The following DPP6 variants were observed in gnomAD, a reference collection of about 807,000 sequenced individuals.
DPP6 encodes the protein dipeptidyl peptidase like 6, also known as A-type potassium channel modulatory protein DPP6.
Under a neutral mutation model 122.6 loss-of-function variants are expected in DPP6, and 69 were observed. The observed-to-expected ratio is 0.56, with a 90% CI of 0.46 to 0.69. The LOEUF is 0.69. Among genes scored for constraint, DPP6 ranks in the 30% least tolerant of loss-of-function variants. The pLI is 0.00. For synonymous variants in DPP6, 418 were observed against 433.1 expected (o/e 0.97, Z 0.43); for missense variants, 928 against 1,116.9 (o/e 0.83, Z 2.41).
chr7:154,804,207 C>A (rs566089614), intron 14 of DPP6, among the ~76,000 whole-genome samples: 2 of 152,234 alleles, frequency 1.3e-5, no homozygotes, highest in Non-Finnish European at 2.9e-5. Flanking sequence ...AGCACGCTAG[C>A]GGCAGTAGTA....
intron 1 of DPP6, among the ~76,000 whole-genome samples, chr7:153,987,267 T>C (rs1464307537): frequency 1.3e-5 from 2 of 152,222 alleles, no homozygotes; most frequent in Admixed American, 6.5e-5. Flanking sequence ...CCACTAAGCA[T>C]ATATACTGCT....
intron 1 of DPP6, among the ~76,000 whole-genome samples, chr7:154,131,506 C>T (rs537203376): frequency 9.1e-4 from 138 of 152,372 alleles, no homozygotes; most frequent in Non-Finnish European, 1.7e-3. Flanking sequence ...GGAAGGCCCA[C>T]GTGGAACTAG....
the DPP6 span, among the ~76,000 whole-genome samples, chr7:153,863,050 A>G: frequency 6.6e-6 from 1 of 152,184 alleles, no homozygotes; most frequent in East Asian, 1.9e-4. Flanking sequence ...TATCTTAAAC[A>G]TTTTATTTCT....
chr7:154,057,569 T>C (rs1431054775), intron 1 of DPP6: 1 of 150,868 alleles, frequency 6.6e-6, no homozygotes, highest in Admixed American at 6.6e-5. Context: ...ATTTGCAATC[T>C]ACCGGAGCTT....
intron 5 of DPP6, among the ~76,000 whole-genome samples, chr7:154,568,749 C>T (rs1426919894): frequency 2.6e-5 from 4 of 152,066 alleles, no homozygotes; most frequent in Non-Finnish European, 4.4e-5. Context: ...CAGCATCTGT[C>T]GGTGTTTGGA....
chr7:154,519,210 C>T, intron 3 of DPP6, among the ~76,000 whole-genome samples: 1 of 151,866 alleles, frequency 6.6e-6, no homozygotes, highest in East Asian at 1.9e-4. Flanking sequence ...GAGCCAGAGT[C>T]ATAAGACACA....
intron 22 of DPP6, 91 bp from the exon 23 acceptor site, chr7:154,887,585 C>A: frequency 7.6e-7 from 1 of 1,318,206 alleles, no homozygotes; most frequent in Non-Finnish European, 1.1e-6. Context: ...CCTCACCCCG[C>A]ACCCGGTCCA....
chr7:154,874,429 G>A (rs1056403924), intron 19 of DPP6, among the ~76,000 whole-genome samples: 1 of 152,234 alleles, frequency 6.6e-6, no homozygotes, highest in Non-Finnish European at 1.5e-5. Context: ...GGCCTTGCTA[G>A]CTTGCCTTGG....
chr7:154,353,874 A>G (rs1398560275), intron 1 of DPP6, among the ~76,000 whole-genome samples: 2 of 152,240 alleles, frequency 1.3e-5, no homozygotes, highest in African/African-American at 4.8e-5. Context: ...ATAGAAAATC[A>G]TCTTCTTTTA....
chr7:154,385,019 G>A (rs1400730208), intron 1 of DPP6, among the ~76,000 whole-genome samples: 1 of 152,038 alleles, frequency 6.6e-6, no homozygotes, highest in Non-Finnish European at 1.5e-5. Context: ...CTGTCGCCCA[G>A]GAGTGCAGTG....
chr7:154,149,324 T>C (rs1438227714), intron 1 of DPP6, among the ~76,000 whole-genome samples: 3 of 152,354 alleles, frequency 2.0e-5, no homozygotes, highest in African/African-American at 7.2e-5. Context: ...GGCCTGTTGT[T>C]TCAAGCCCTG....
Position 154,197,803 on chromosome 7 carries a change from A to G in DPP6, c.243+144740A>G, listed in dbSNP as rs1176161435. On this transcript the variant is annotated intron_variant, in intron 1 of 25. Transcript: ENST00000377770. ...TTAATTTAGAATGTCGTTGCTTTGC[A>G]GTTCATATCCTAACCCACCTGATCC... 2.0e-5 allele frequency among the ~76,000 whole-genome samples: 3 copies of G among 152,238 alleles called. No homozygotes were observed. The East Asian group carries it at 5.8e-4, about 29-fold the overall frequency.
intron 1 of DPP6, among the ~76,000 whole-genome samples, chr7:154,293,697 C>T (rs897056828): frequency 6.6e-6 from 1 of 152,186 alleles, no homozygotes; most frequent in East Asian, 1.9e-4. Flanking sequence ...CCCTACTACC[C>T]TGTGAGGTTC....
At chr7:154,271,752 C>G (rs1459363123) in intron 1 of DPP6, among the ~76,000 whole-genome samples, 1 of 152,156 alleles carries the variant, frequency 6.6e-6, no homozygotes, top group African/African-American at 2.4e-5. Flanking sequence ...GGCTGCCACT[C>G]TCATCCAGGG....
intron 1 of DPP6, among the ~76,000 whole-genome samples, chr7:154,300,402 G>C (rs1396380353): frequency 6.6e-6 from 1 of 152,212 alleles, no homozygotes; most frequent in Non-Finnish European, 1.5e-5. Flanking sequence ...CTTTTTCCAA[G>C]ATGCTCCTTG....
At chr7:154,167,000 A>G (rs1427194871) in intron 1 of DPP6, among the ~76,000 whole-genome samples, 1 of 149,238 alleles carries the variant, frequency 6.7e-6, no homozygotes, top group African/African-American at 2.6e-5. Flanking sequence ...AAAACAAAAC[A>G]ATACAAAAAT....
intron 3 of DPP6, among the ~76,000 whole-genome samples, chr7:154,525,383 C>A (rs927145371): frequency 1.3e-5 from 2 of 152,194 alleles, no homozygotes; most frequent in Non-Finnish European, 2.9e-5. Context: ...CTCTCAAACT[C>A]CTGGGCTCAA....
At chr7:154,028,723 C>T (rs1440007132) in intron 1 of DPP6, among the ~76,000 whole-genome samples, 1 of 152,164 alleles carries the variant, frequency 6.6e-6, no homozygotes, top group Non-Finnish European at 1.5e-5. Context: ...TGGTAGGCCC[C>T]GCTCTGCCTG....
At chr7:154,812,246 A>T (rs10259188) in intron 16 of DPP6, among the ~76,000 whole-genome samples, 123,238 of 152,180 alleles carry the variant, frequency 0.81, 49,994 homozygotes, top group Non-Finnish European at 0.84. Flanking sequence ...ATAGACTTCA[A>T]CATTCTTCCT....
Sources: gnomAD v4.1 joint callset for allele counts (sites outside exome capture counted in the v4.1 genomes callset) on GRCh38, gnomAD v4.1.1 for gene constraint, MANE v1.5 for transcripts, NCBI Gene and HGNC (gene_info 2026-07-23, HGNC 2026-07-21) for gene names.